The following ZNF484 variants were observed in gnomAD, a reference collection of about 807,000 sequenced individuals.
The protein encoded by ZNF484 is zinc finger protein 484.
ZNF484 carries 11 observed loss-of-function variants against 12.9 expected under a neutral mutation model. That is an observed-to-expected ratio of 0.85 (90% confidence interval 0.54 to 1.41). ZNF484 has a LOEUF of 1.41. Among genes scored for constraint, ZNF484 ranks in the 40% most tolerant of loss-of-function variants. The probability of loss-of-function intolerance (pLI) is 0.00; values close to 1 mark genes in which losing one functional copy is unlikely to be tolerated. For missense variants in ZNF484, 807 were observed against 1,007.7 expected, an observed-to-expected ratio of 0.80 and a Z score of 2.70; for synonymous variants, 289 against 334.1, an observed-to-expected ratio of 0.86 and a Z score of 1.47.
rs56121719 is a variant in ZNF484, at chr9:92,856,323, TA to T, written c.16-6del. On this transcript the variant is annotated splice_region_variant and splice_polypyrimidine_tract_variant and intron_variant, in intron 2 of 4. Transcript: ENST00000375495. ...GTCCTTGAATGACACTGATTCCTGT[TA>T]AAAAAAAAAAACAAACTTTAAAATA... 0.14 allele frequency: 184,833 copies of T among 1,341,576 alleles called. 6,703 individuals are homozygous for T. The highest frequency in any genetic ancestry group is 0.38 in the East Asian group (14,491 of 38,388). The allele number at this position is 1,341,576 out of a possible 1,614,324, so 83.1% of individuals were successfully genotyped here.
chr9:92,847,450 C>T lies in ZNF484; in HGVS notation c.1337G>A (p.Gly446Glu), dbSNP rs1855724954. The stretch of plus-strand genomic sequence containing the variant: ...TTGTGATTTTTTAATAAAGGATTTC[C>T]CACAGTCACTGCATTCATAGGGTTT... ...GEKPYECSDC[G>E]KSFIKKSQLH... is the part of the protein sequence containing the mutation. Residue 446 changes from glycine (G) to glutamate (E), a missense_variant, in exon 5 of 5, where the codon GGG (glycine) becomes GAG (glutamate). By Grantham distance (98) the Gly-to-Glu change is moderately conservative. Transcript: ENST00000375495. 3 of 1,613,166 alleles carry T rather than the reference C, an allele frequency of 1.9e-6. No individual in the cohort carries two copies. The Admixed American group carries it at 5.0e-5, about 27-fold the overall frequency.
intron 2 of ZNF484, among the ~76,000 whole-genome samples, chr9:92,858,344 T>G (rs1856585874): frequency 6.6e-6 from 1 of 152,192 alleles, no homozygotes; most frequent in Non-Finnish European, 1.5e-5. Context: ...GCAGAGATTT[T>G]TTTTTTAAAG....
chr9:92,868,602 G>C (rs1857249087), intron 2 of ZNF484, among the ~76,000 whole-genome samples: 1 of 152,290 alleles, frequency 6.6e-6, no homozygotes, highest in East Asian at 1.9e-4. Context: ...ATCTGCATCT[G>C]GGGAGGGCCT....
chr9:92,866,129 G>A (rs1857055923), intron 2 of ZNF484, among the ~76,000 whole-genome samples: 1 of 152,086 alleles, frequency 6.6e-6, no homozygotes, highest in Non-Finnish European at 1.5e-5. Context: ...AAAAAAATTA[G>A]TTATCCAGAT....
chr9:92,856,934 C>T (rs1457679597), intron 2 of ZNF484, among the ~76,000 whole-genome samples: 1 of 152,154 alleles, frequency 6.6e-6, no homozygotes, highest in Non-Finnish European at 1.5e-5. Context: ...CCGTGTTAGC[C>T]AGGATGGTCT....
chr9:92,860,863 C>T (rs1856747641), intron 2 of ZNF484, among the ~76,000 whole-genome samples: 1 of 152,090 alleles, frequency 6.6e-6, no homozygotes, highest in Admixed American at 6.6e-5. Flanking sequence ...GAAGAAGTAG[C>T]TACCTTCTTC....
At chr9:92,851,233 T>A (rs540424194) in intron 4 of ZNF484, among the ~76,000 whole-genome samples, 1 of 152,356 alleles carries the variant, frequency 6.6e-6, no homozygotes, top group African/African-American at 2.4e-5. Context: ...CCCAGTTCTA[T>A]GAAGCTGGCA....
rs917253602 is a variant in ZNF484, at chr9:92,862,584, A to G, written c.16-6266T>C. Among the ~76,000 whole-genome samples, 2 of 151,340 alleles carry G rather than the reference A, an allele frequency of 1.3e-5. 1 individual carries two copies. The highest frequency in any genetic ancestry group is 2.9e-5 in the Non-Finnish European group (2 of 67,902). On this transcript the variant is annotated intron_variant, in intron 2 of 4. Transcript: ENST00000375495. ...ATACATGATAAATTCAGGGAACCAC[A>G]AATTAGTCTGCATAATGAGAAGTCT...
intron 4 of ZNF484, among the ~76,000 whole-genome samples, chr9:92,853,480 T>C (rs1408467373): frequency 6.6e-6 from 1 of 152,216 alleles, no homozygotes; most frequent in Non-Finnish European, 1.5e-5. Flanking sequence ...GGCCAATGCC[T>C]GACTGAGACA....
At chr9:92,874,936 G>C in intron 2 of ZNF484, 79 bp downstream of exon 2, 2 of 1,320,928 alleles carry the variant, frequency 1.5e-6, no homozygotes, top group Non-Finnish European at 2.1e-6. Flanking sequence ...TCTTACTATA[G>C]GGATTGTTAG....
chr9:92,869,405 A>G (rs1857297381), intron 2 of ZNF484, among the ~76,000 whole-genome samples: 1 of 146,040 alleles, frequency 6.8e-6, no homozygotes, highest in African/African-American at 2.6e-5. Flanking sequence ...AATGCAGCCT[A>G]TTGATTTACC....
intron 2 of ZNF484, among the ~76,000 whole-genome samples, chr9:92,866,039 G>A (rs1391427342): frequency 6.6e-6 from 1 of 152,154 alleles, no homozygotes; most frequent in East Asian, 1.9e-4. Context: ...AATGCATATG[G>A]TATACCATCT....
intron 2 of ZNF484, among the ~76,000 whole-genome samples, chr9:92,864,078 G>A (rs1242582998): frequency 6.6e-6 from 1 of 152,150 alleles, no homozygotes; most frequent in Admixed American, 6.5e-5. Context: ...GCAAAAGACA[G>A]ATAAATTCTG....
Position 92,846,966 on chromosome 9 carries a change from G to A in ZNF484, c.1821C>T (p.Pro607=), listed in dbSNP as rs772112480. The change falls in exon 5 of 5, where the codon CCC becomes CCT. Residue 607 remains proline, a synonymous_variant. Transcript: ENST00000375495. ...ATTTCCCACAAATACTGCATTCATA[G>A]GGTTTCTCTCCAGTATGAATTCTCT... ...THERIHTGEK[P]YECSICGKSF... 36 of 1,613,918 alleles carry A rather than the reference G, an allele frequency of 2.2e-5. No homozygotes were observed. Among genetic ancestry groups the A allele is most frequent in the Admixed American group, 2.0e-4 (12 of 59,988 alleles).
intron 2 of ZNF484, among the ~76,000 whole-genome samples, chr9:92,865,931 G>C (rs1857043905): frequency 6.6e-6 from 1 of 152,102 alleles, no homozygotes; most frequent in Non-Finnish European, 1.5e-5. Flanking sequence ...AATAACTTCT[G>C]AAAGAAATGT....
At chr9:92,857,926 T>C (rs1311150987) in intron 2 of ZNF484, among the ~76,000 whole-genome samples, 3 of 152,302 alleles carry the variant, frequency 2.0e-5, no homozygotes, top group South Asian at 2.1e-4. Flanking sequence ...CCCAGCTAAT[T>C]TGTCTATCTT....
chr9:92,859,857 A>G (rs536121010), intron 2 of ZNF484, among the ~76,000 whole-genome samples: 32 of 152,252 alleles, frequency 2.1e-4, no homozygotes, highest in Non-Finnish European at 4.1e-4. Context: ...TGCTTAGTGC[A>G]GTGTCAATGA....
At chr9:92,872,434 G>A (rs1857499568) in intron 2 of ZNF484, among the ~76,000 whole-genome samples, 1 of 87,966 alleles carries the variant, frequency 1.1e-5, no homozygotes, top group South Asian at 3.3e-4. Context: ...AGGTTGCGGT[G>A]AGCCGAGATC....
intron 1 of ZNF484, among the ~76,000 whole-genome samples, chr9:92,877,116 T>A (rs12336022): frequency 0.36 from 54,978 of 151,922 alleles, 10,242 homozygotes; most frequent in Admixed American, 0.42. Context: ...AAGGGAAACA[T>A]CAAAATGAAC....
Sources: allele counts gnomAD v4.1 joint callset (sites outside exome capture counted in the v4.1 genomes callset), GRCh38; gene constraint gnomAD v4.1.1; transcripts MANE v1.5; gene names NCBI Gene and HGNC (gene_info 2026-07-23, HGNC 2026-07-21).